RNGTT: variants seen among roughly 807,000 people sequenced by gnomAD.
The protein encoded by RNGTT is mRNA-capping enzyme.
A neutral mutation model predicts 79.3 loss-of-function variants in RNGTT; 33 were observed. The ratio of observed to expected loss-of-function variants is 0.42; its 90% CI spans 0.32 to 0.56. The LOEUF (loss-of-function observed/expected upper bound fraction) is 0.56. Ranked by LOEUF, RNGTT falls within the 20% of genes least tolerant of loss-of-function variation. The pLI, the probability that RNGTT is intolerant of heterozygous loss-of-function variation, is 0.17. For synonymous variants in RNGTT, 222 were observed against 235.9 expected (o/e 0.94, Z 0.54); for missense variants, 497 against 739.1 (o/e 0.67, Z 3.80).
chr6:88,756,287 A>G (rs1211160788), intron 13 of RNGTT, among the ~76,000 whole-genome samples: 1 of 152,114 alleles, frequency 6.6e-6, no homozygotes, highest in Admixed American at 6.5e-5. Context: ...AGCCTGGCCA[A>G]CACGGTGAAA....
At chr6:88,789,113 T>C (rs1166895349) in intron 12 of RNGTT, among the ~76,000 whole-genome samples, 1 of 152,202 alleles carries the variant, frequency 6.6e-6, no homozygotes, top group Non-Finnish European at 1.5e-5. Flanking sequence ...AATAACTTGC[T>C]AGGATTCAAA....
intron 11 of RNGTT, among the ~76,000 whole-genome samples, chr6:88,819,590 A>G (rs957147157): frequency 1.3e-5 from 2 of 152,154 alleles, no homozygotes; most frequent in African/African-American, 4.8e-5. Flanking sequence ...TAACTTTTCC[A>G]TGTAATTCAT....
chr6:88,715,016 A>C (rs1776458329), intron 13 of RNGTT, among the ~76,000 whole-genome samples: 1 of 152,178 alleles, frequency 6.6e-6, no homozygotes, highest in Admixed American at 6.5e-5. Flanking sequence ...GAAAAGAAGA[A>C]GTCAAATTGT....
At chr6:88,843,980 A>C (rs555836209) in intron 11 of RNGTT, among the ~76,000 whole-genome samples, 2 of 151,302 alleles carry the variant, frequency 1.3e-5, no homozygotes, top group East Asian at 3.9e-4. Context: ...ATATATATAA[A>C]TGTATCTTTT....
chr6:88,955,394 C>T (rs1785393124), intron 1 of RNGTT, among the ~76,000 whole-genome samples: 1 of 151,564 alleles, frequency 6.6e-6, no homozygotes, highest in South Asian at 2.1e-4. Flanking sequence ...ACTAAAAATA[C>T]AAAAAATTAG....
At chr6:88,758,884 AT>A (rs890100155) in intron 13 of RNGTT, among the ~76,000 whole-genome samples, 1 of 152,024 alleles carries the variant, frequency 6.6e-6, no homozygotes, top group Non-Finnish European at 1.5e-5. Context: ...TTATTTATTT[AT>A]TTTTTTATTA....
At chr6:88,904,668 G>T (rs1163382423) in intron 6 of RNGTT, 47 bp downstream of exon 6, 15 of 1,516,138 alleles carry the variant, frequency 9.9e-6, no homozygotes, top group Non-Finnish European at 1.2e-5. Flanking sequence ...CAATAAGCTT[G>T]CAGAAAAAGG....
chr6:88,860,038 T>C (rs1781959880), intron 8 of RNGTT, among the ~76,000 whole-genome samples: 1 of 152,158 alleles, frequency 6.6e-6, no homozygotes. Flanking sequence ...CACCACATAA[T>C]GTATACCCCA....
At chr6:88,954,221 A>G (rs1303558703) in intron 1 of RNGTT, among the ~76,000 whole-genome samples, 4 of 152,224 alleles carry the variant, frequency 2.6e-5, no homozygotes, top group Non-Finnish European at 5.9e-5. Context: ...CAAACCAAGT[A>G]TCTGCTGCCT....
chr6:88,944,486 C>T (rs1000960936), intron 1 of RNGTT, among the ~76,000 whole-genome samples: 1 of 152,140 alleles, frequency 6.6e-6, no homozygotes, highest in African/African-American at 2.4e-5. Flanking sequence ...ATCCTCCCTT[C>T]TGCTCGGGAT....
At chr6:88,926,523 C>T (rs1784324681) in intron 4 of RNGTT, among the ~76,000 whole-genome samples, 1 of 152,110 alleles carries the variant, frequency 6.6e-6, no homozygotes, top group Non-Finnish European at 1.5e-5. Context: ...CAAGTAACGT[C>T]TCTCCATTTC....
chr6:88,873,244 C>G (rs1258068658), intron 8 of RNGTT, among the ~76,000 whole-genome samples: 1 of 152,068 alleles, frequency 6.6e-6, no homozygotes, highest in Non-Finnish European at 1.5e-5. Flanking sequence ...CACAGCCAAC[C>G]AAGGATCACC....
intron 13 of RNGTT, among the ~76,000 whole-genome samples, chr6:88,735,716 A>C (rs1033438439): frequency 6.6e-6 from 1 of 152,042 alleles, no homozygotes; most frequent in African/African-American, 2.4e-5. Flanking sequence ...TACAGCATTG[A>C]AGGCATTTAT....
intron 14 of RNGTT, among the ~76,000 whole-genome samples, chr6:88,659,002 C>A (rs1774085354): frequency 6.6e-6 from 1 of 152,214 alleles, no homozygotes; most frequent in African/African-American, 2.4e-5. Context: ...TGGGACTTCA[C>A]TGTGATCGTG....
intron 8 of RNGTT, among the ~76,000 whole-genome samples, chr6:88,862,116 G>A (rs1385370798): frequency 6.6e-6 from 1 of 152,066 alleles, no homozygotes; most frequent in Non-Finnish European, 1.5e-5. Flanking sequence ...ACCGTTTCCT[G>A]GCATACAAAT....
At chr6:88,768,806 G>A (rs964468401) in intron 13 of RNGTT, among the ~76,000 whole-genome samples, 1 of 152,062 alleles carries the variant, frequency 6.6e-6, no homozygotes, top group Non-Finnish European at 1.5e-5. Flanking sequence ...GAAAAATGTT[G>A]AAAATATTCA....
intron 14 of RNGTT, among the ~76,000 whole-genome samples, chr6:88,660,558 A>AG (rs1386659676): frequency 6.6e-6 from 1 of 151,996 alleles, no homozygotes; most frequent in Non-Finnish European, 1.5e-5. Context: ...GTAAAAAAAA[A>AG]GAAAGAAAAG....
intron 8 of RNGTT, among the ~76,000 whole-genome samples, chr6:88,872,380 A>C (rs1562295745): frequency 6.6e-6 from 1 of 152,128 alleles, no homozygotes; most frequent in Non-Finnish European, 1.5e-5. Context: ...GCTTGACTGC[A>C]ATCTGATAGA....
At chr6:88,798,788 G>T (rs962460206) in intron 12 of RNGTT, among the ~76,000 whole-genome samples, 7 of 152,164 alleles carry the variant, frequency 4.6e-5, no homozygotes, top group Admixed American at 3.3e-4. Flanking sequence ...AACAGAATCA[G>T]AAATTTCTTA....
Sources: gnomAD v4.1 joint callset for allele counts (sites outside exome capture counted in the v4.1 genomes callset) on GRCh38, gnomAD v4.1.1 for gene constraint, MANE v1.5 for transcripts, NCBI Gene and HGNC (gene_info 2026-07-23, HGNC 2026-07-21) for gene names.